BUD23: variants seen among roughly 807,000 people sequenced by gnomAD.
BUD23 encodes 18S rRNA (guanine-N(7))-methyltransferase.
In BUD23, 34 loss-of-function variants were observed where a neutral mutation model predicts 47.0. The ratio of observed to expected loss-of-function variants is 0.72; its 90% CI spans 0.55 to 0.96. The LOEUF (loss-of-function observed/expected upper bound fraction) is 0.96. Among genes scored for constraint, BUD23 ranks in the 40% least tolerant of loss-of-function variants. The probability of loss-of-function intolerance (pLI) is 0.00; values close to 1 mark genes in which losing one functional copy is unlikely to be tolerated. For missense variants in BUD23, 343 were observed against 361.2 expected (o/e 0.95, Z 0.41); for synonymous variants, 124 against 132.0 (o/e 0.94, Z 0.41).
intron 2 of BUD23, chr7:73,684,130 G>A: frequency 1.6e-6 from 1 of 618,742 alleles, no homozygotes; most frequent in Middle Eastern, 4.6e-4. Context: ...TGGGGGGAAG[G>A]AAGTAATGGC....
chr7:73,684,361 C>T (rs1305126824), intron 2 of BUD23, among the ~76,000 whole-genome samples: 3 of 151,040 alleles, frequency 2.0e-5, no homozygotes, highest in Non-Finnish European at 4.4e-5. Flanking sequence ...GGCAACGTAG[C>T]GAGCCCCCGT....
At chr7:73,697,565 A>C in intron 10 of BUD23, 40 bp from the exon 11 acceptor site, 1 of 1,613,142 alleles carries the variant, frequency 6.2e-7, no homozygotes, top group Non-Finnish European at 8.5e-7. Flanking sequence ...AGCCCCATCC[A>C]TCAGCTGTCC....
chr7:73,689,070 G>A (rs1798088216), intron 5 of BUD23, among the ~76,000 whole-genome samples: 1 of 152,158 alleles, frequency 6.6e-6, no homozygotes, highest in South Asian at 2.1e-4. Flanking sequence ...TTTTTTTGGA[G>A]ACGGATTCTT....
chr7:73,692,589 C>T lies in BUD23; in HGVS notation c.460-7C>T, dbSNP rs781970101. On this transcript the variant is annotated splice_region_variant and splice_polypyrimidine_tract_variant and intron_variant, in intron 6 of 11. Coordinates refer to ENST00000265758, the MANE Select transcript of BUD23 (RefSeq NM_017528.5). ...TTGTAAGACAGTGATGTTCCTGTTT[C>T]TTTCAGGTCCGGGGATCCCGAGCTG... 14 of 1,613,582 alleles carry T rather than the reference C, an allele frequency of 8.7e-6. No homozygotes were observed. The highest frequency in any genetic ancestry group is 1.2e-5 in the Non-Finnish European group (14 of 1,179,542).
rs1227039849 is a variant in BUD23 at position 73,692,882 on chromosome 7, C to T, written c.510+236C>T. The T allele has an allele frequency of 2.2e-5, 12 of 553,450 alleles. No homozygotes were observed. In the Admixed American group the frequency reaches 3.0e-4, roughly 14 times the overall value. The allele number at this position is 553,450 out of a possible 1,614,324, so 34.3% of individuals were successfully genotyped here. The stretch of plus-strand genomic sequence containing the variant: ...ACATGGTATTACAGATAAGGTGATG[C>T]GACTGATTTCCATAACCAAATAAGT... On this transcript the variant is annotated intron_variant, in intron 7 of 11. Coordinates refer to ENST00000265758, the MANE Select transcript of BUD23 (RefSeq NM_017528.5).
At chr7:73,689,727 G>A (rs1182531442) in intron 5 of BUD23, among the ~76,000 whole-genome samples, 1 of 152,216 alleles carries the variant, frequency 6.6e-6, no homozygotes, top group East Asian at 1.9e-4. Flanking sequence ...CTTCCTAGAA[G>A]GCACTTAAGT....
chr7:73,691,132 G>A (rs1798179760), intron 6 of BUD23, 120 bp downstream of exon 6: 3 of 831,880 alleles, frequency 3.6e-6, no homozygotes, highest in Non-Finnish European at 6.0e-6. Flanking sequence ...GACCGCATGG[G>A]GTGGCAGGAC....
At chr7:73,692,368 T>A (rs1798226128) in intron 6 of BUD23, among the ~76,000 whole-genome samples, 2 of 152,250 alleles carry the variant, frequency 1.3e-5, no homozygotes, top group African/African-American at 2.4e-5. Context: ...AATTCCTCTT[T>A]TTGTAACAAA....
chr7:73,694,811 T>A (rs1280710021), intron 10 of BUD23: 12 of 152,552 alleles, frequency 7.9e-5, no homozygotes, highest in African/African-American at 2.7e-4. Context: ...CCACTGCTGC[T>A]TCCTCTTCGA....
At chr7:73,693,581 G>C in intron 8 of BUD23, 43 bp from the exon 9 acceptor site, 1 of 1,613,548 alleles carries the variant, frequency 6.2e-7, no homozygotes. Flanking sequence ...CTCCCTGTGG[G>C]GCTTTCTCCA....
In BUD23 at chr7:73,697,698, A is replaced by G. The variant is rs781917133; in HGVS notation, c.791+4A>G. 1 of 1,608,212 alleles carries G rather than the reference A, an allele frequency of 6.2e-7. No individual in the cohort carries two copies. On this transcript the variant is annotated splice_donor_region_variant and intron_variant, in intron 11 of 11. Coordinates refer to ENST00000265758, the MANE Select transcript of BUD23 (RefSeq NM_017528.5). ...AGCGGCACAGGCGCCAGGGCAGGTG[A>G]GTGCCAGCCTGGGAGCTGGCAGGGT...
Position 73,693,403 on chromosome 7 carries a change from C to T in BUD23, c.585C>T (p.Ala195=), listed in dbSNP as rs79257360. 3,698 of 1,614,122 alleles carry T rather than the reference C, an allele frequency of 2.3e-3. 70 individuals are homozygous for T. In the African/African-American group the frequency reaches 0.044, roughly 19 times the overall value. ...GGMVVDYPNS[A]KAKKFYLCLF... Reference sequence around the variant, plus strand: ...TGGTGGTAGACTACCCTAACAGTGCCAAAGCAAAGAAGTGAGCGCTGGGGG... The same window carrying T: ...TGGTGGTAGACTACCCTAACAGTGCTAAAGCAAAGAAGTGAGCGCTGGGGG... The change falls in exon 8 of 12, where the codon GCC becomes GCT. Residue 195 remains alanine (A), a synonymous_variant. Transcript: ENST00000265758.
intron 2 of BUD23, among the ~76,000 whole-genome samples, chr7:73,685,474 A>G (rs1797927884): frequency 6.6e-6 from 1 of 152,224 alleles, no homozygotes; most frequent in South Asian, 2.1e-4. Flanking sequence ...CGTGTGAGAC[A>G]GGCTCTCATT....
At chr7:73,688,459 G>A (rs1388782372) in intron 5 of BUD23, among the ~76,000 whole-genome samples, 19 of 152,200 alleles carry the variant, frequency 1.2e-4, no homozygotes, top group Admixed American at 1.2e-3. Context: ...CAGAGGAGGT[G>A]GTCTTTTAGT....
In BUD23 at chr7:73,683,648, C is replaced by T. The variant is rs782547687; in HGVS notation, c.23C>T (p.Pro8Leu). MASRGRR[P>L]EHGGPPELFY... is the part of the protein sequence containing the mutation. The stretch of plus-strand genomic sequence containing the variant: ...AGAATGGCGTCCCGCGGCCGGCGTC[C>T]GGAGCATGGCGGACCCCCAGAGCTG... The change falls in exon 1 of 12, where the codon CCG (proline) becomes CTG (leucine). Residue 8 changes from proline to leucine, a missense_variant. Physicochemically the swap from Pro to Leu is moderately conservative, Grantham distance 98. Coordinates refer to ENST00000265758, the MANE Select transcript of BUD23 (RefSeq NM_017528.5). The T allele has an allele frequency of 1.2e-5, 19 of 1,612,426 alleles. 1 individual carries two copies. The highest frequency in any genetic ancestry group is 7.7e-5 in the South Asian group (7 of 91,044).
At position 73,683,824 on chromosome 7, in the gene BUD23, T is replaced by TG. The variant is rs1797824528; in HGVS notation, c.86+21dup. The TG allele has an allele frequency of 6.2e-7, 1 of 1,614,110 alleles. No homozygotes were observed. The highest frequency in any genetic ancestry group is 1.3e-5 in the African/African-American group (1 of 75,018). On this transcript the variant is annotated intron_variant, in intron 2 of 11. Transcript: ENST00000265758. ...TCGCAAGTGAGGGGAGCCTGAATAC[T>TG]GCGGGGCGTCCGGGGGTCGGGAAGC...
Position 73,697,813 on chromosome 7 carries a change from C to G in BUD23, c.792-19C>G. The G allele has an allele frequency of 6.2e-7, 1 of 1,613,244 alleles. No individual in the cohort carries two copies. The highest frequency in any genetic ancestry group is 8.5e-7 in the Non-Finnish European group (1 of 1,179,782). On this transcript the variant is annotated intron_variant, in intron 11 of 11. Transcript: ENST00000265758. ...TTGATCTTTTTTTTCTGAGACTGTC[C>G]TATTCCTTTTCTGCACAGGGAAGTC...
At chr7:73,696,274 C>T (rs1554614831) in intron 10 of BUD23, 1 of 152,194 alleles carries the variant, frequency 6.6e-6, no homozygotes, top group African/African-American at 2.4e-5. Context: ...TTCCCTAGTC[C>T]ATTCCCCATG....
chr7:73,689,680 C>T (rs1798114382), intron 5 of BUD23, among the ~76,000 whole-genome samples: 1 of 152,112 alleles, frequency 6.6e-6, no homozygotes, highest in East Asian at 1.9e-4. Flanking sequence ...GAGGGATGAA[C>T]GAGAGATTCC....
Sources: gnomAD v4.1 joint callset for allele counts (sites outside exome capture counted in the v4.1 genomes callset) on GRCh38, gnomAD v4.1.1 for gene constraint, MANE v1.5 for transcripts, NCBI Gene and HGNC (gene_info 2026-07-23, HGNC 2026-07-21) for gene names.